The following ADCY2 variants were observed in gnomAD, a reference collection of about 807,000 sequenced individuals.
ADCY2 encodes adenylate cyclase type 2.
Under a neutral mutation model 125.2 loss-of-function variants are expected in ADCY2, and 31 were observed. The observed-to-expected ratio is 0.25, with a 90% CI of 0.19 to 0.33. The LOEUF is 0.33. Among genes scored for constraint, ADCY2 ranks in the 10% least tolerant of loss-of-function variants. The probability of loss-of-function intolerance (pLI) is 1.00; values close to 1 mark genes in which losing one functional copy is unlikely to be tolerated. For missense variants in ADCY2, 904 were observed against 1,418.2 expected, an observed-to-expected ratio of 0.64 and a Z score of 5.82; for synonymous variants, 512 against 548.4, an observed-to-expected ratio of 0.93 and a Z score of 0.93.
At chr5:7,690,949 C>A in intron 5 of ADCY2, 110 bp downstream of exon 5, 1 of 1,251,938 alleles carries the variant, frequency 8.0e-7, no homozygotes, top group South Asian at 2.1e-5. Context: ...GACAGTGGAT[C>A]CTTTGCAGGG....
Position 7,820,479 on chromosome 5 carries a change from A to G in ADCY2, c.2999-86A>G, listed in dbSNP as rs530872535. On this transcript the variant is annotated intron_variant, in intron 23 of 24. Coordinates refer to ENST00000338316, the MANE Select transcript of ADCY2 (RefSeq NM_020546.3). ...ACTGCACTCCAGCCTGGGTGACAGA[A>G]TAAGACCCCATCTCAAAAAATAAAA... 107 of 1,500,782 alleles carry G rather than the reference A, an allele frequency of 7.1e-5. No individual in the cohort carries two copies. In the South Asian group the frequency reaches 1.2e-3, roughly 16 times the overall value. The allele number at this position is 1,500,782 out of a possible 1,614,324, so 93.0% of individuals were successfully genotyped here.
At chr5:7,610,574 G>A (rs1431502928) in intron 3 of ADCY2, among the ~76,000 whole-genome samples, 2 of 152,196 alleles carry the variant, frequency 1.3e-5, no homozygotes, top group East Asian at 3.9e-4. Flanking sequence ...ACAAGTCTTA[G>A]AGGCTCAGCT....
intron 5 of ADCY2, among the ~76,000 whole-genome samples, chr5:7,694,664 A>G (rs962549137): frequency 6.6e-6 from 1 of 152,208 alleles, no homozygotes. Context: ...CATTTTGTTT[A>G]TTCATCCATC....
chr5:7,529,353 A>G (rs1359668067), intron 3 of ADCY2, among the ~76,000 whole-genome samples: 2 of 152,202 alleles, frequency 1.3e-5, no homozygotes, highest in Admixed American at 6.5e-5. Context: ...TTATGTTTTC[A>G]GGGTGCAACA....
chr5:7,488,524 C>G (rs571205391), intron 2 of ADCY2, among the ~76,000 whole-genome samples: 70 of 152,286 alleles, frequency 4.6e-4, no homozygotes, highest in African/African-American at 1.6e-3. Flanking sequence ...ACTTGCACTT[C>G]TCCTACTTAG....
intron 18 of ADCY2, 72 bp from the exon 19 acceptor site, chr5:7,784,293 T>C: frequency 3.7e-6 from 4 of 1,087,206 alleles, no homozygotes; most frequent in Non-Finnish European, 5.7e-6. Context: ...TTTGTTGATA[T>C]TCAAATTCTA....
intron 3 of ADCY2, among the ~76,000 whole-genome samples, chr5:7,602,262 A>G (rs1483986388): frequency 1.3e-5 from 2 of 152,242 alleles, no homozygotes; most frequent in Non-Finnish European, 2.9e-5. Flanking sequence ...TCAAACCACT[A>G]CAATCAAAGA....
chr5:7,407,485 G>A (rs1739541547), intron 1 of ADCY2, among the ~76,000 whole-genome samples: 1 of 152,144 alleles, frequency 6.6e-6, no homozygotes, highest in South Asian at 2.1e-4. Context: ...GAGAGAGAGA[G>A]AGAGCGAGCA....
intron 2 of ADCY2, among the ~76,000 whole-genome samples, chr5:7,493,319 C>A (rs1303852805): frequency 6.6e-6 from 1 of 152,000 alleles, no homozygotes; most frequent in Non-Finnish European, 1.5e-5. Flanking sequence ...GGTAGCAGCT[C>A]TTCTATGAAT....
At chr5:7,791,197 A>G (rs902184912) in intron 20 of ADCY2, among the ~76,000 whole-genome samples, 3 of 151,744 alleles carry the variant, frequency 2.0e-5, no homozygotes, top group African/African-American at 7.3e-5. Context: ...TTCTTGCATG[A>G]CTCAGTTCCC....
chr5:7,521,035 C>A lies in ADCY2; in HGVS notation c.570+136C>A. On this transcript the variant is annotated intron_variant, in intron 3 of 24. Transcript: ENST00000338316. ...CCCTTTCTGCCCCTTGAGACTGACC[C>A]CCTATAACACTGAGGAGCCAGCCCC... The A allele has an allele frequency of 8.8e-6, 9 of 1,018,810 alleles. No individual in the cohort carries two copies. In the South Asian group the frequency reaches 1.3e-4, roughly 15 times the overall value. The allele number at this position is 1,018,810 out of a possible 1,614,324, so 63.1% of individuals were successfully genotyped here.
chr5:7,627,709 G>A (rs1229736259), intron 4 of ADCY2, among the ~76,000 whole-genome samples: 2 of 152,102 alleles, frequency 1.3e-5, no homozygotes, highest in African/African-American at 2.4e-5. Flanking sequence ...TTAAATTTTG[G>A]CACTAGTCCT....
At chr5:7,448,339 CCTCGTG>C (rs1338820708) in intron 2 of ADCY2, among the ~76,000 whole-genome samples, 4 of 152,132 alleles carry the variant, frequency 2.6e-5, no homozygotes, top group Non-Finnish European at 5.9e-5. Flanking sequence ...TGTCCTTTTC[CCTCGTG>C]CTCAGAGTTT....
At chr5:7,449,902 T>C (rs1741410012) in intron 2 of ADCY2, among the ~76,000 whole-genome samples, 1 of 152,164 alleles carries the variant, frequency 6.6e-6, no homozygotes, top group South Asian at 2.1e-4. Flanking sequence ...TGACCCATGA[T>C]CTTTGATATT....
At chr5:7,656,294 T>A (rs1017625632) in intron 4 of ADCY2, among the ~76,000 whole-genome samples, 1 of 152,196 alleles carries the variant, frequency 6.6e-6, no homozygotes, top group African/African-American at 2.4e-5. Flanking sequence ...CCTCAGGTGA[T>A]CTGTCTGCCT....
intron 20 of ADCY2, chr5:7,797,119 G>A (rs1359263881): frequency 2.6e-5 from 4 of 152,230 alleles, no homozygotes; most frequent in East Asian, 1.9e-4. Flanking sequence ...CTATGCCCAT[G>A]CGTCCTCTGC....
At chr5:7,653,704 A>G (rs1203317797) in intron 4 of ADCY2, among the ~76,000 whole-genome samples, 3 of 152,190 alleles carry the variant, frequency 2.0e-5, no homozygotes, top group South Asian at 2.1e-4. Flanking sequence ...TGATGTTGGC[A>G]TCTAAAACAG....
At chr5:7,527,494 C>T (rs944030364) in intron 3 of ADCY2, among the ~76,000 whole-genome samples, 4 of 152,184 alleles carry the variant, frequency 2.6e-5, no homozygotes, top group East Asian at 3.9e-4. Context: ...TCTGAATTTT[C>T]GTTTCATATA....
At chr5:7,630,492 G>A (rs1276758808) in intron 4 of ADCY2, among the ~76,000 whole-genome samples, 1 of 152,148 alleles carries the variant, frequency 6.6e-6, no homozygotes, top group Non-Finnish European at 1.5e-5. Flanking sequence ...TGTTGTATCA[G>A]ACTCCTATTG....
Sources: gnomAD v4.1 joint callset for allele counts (sites outside exome capture counted in the v4.1 genomes callset) on GRCh38, gnomAD v4.1.1 for gene constraint, MANE v1.5 for transcripts, NCBI Gene and HGNC (gene_info 2026-07-23, HGNC 2026-07-21) for gene names.